The following CLVS1 variants were observed in gnomAD, a reference collection of about 807,000 sequenced individuals.
CLVS1 encodes the protein clavesin-1.
Under a neutral mutation model 33.1 loss-of-function variants are expected in CLVS1, and 10 were observed. That is an observed-to-expected ratio of 0.30 (90% CI 0.19 to 0.51). CLVS1 has a LOEUF of 0.51. CLVS1 is among the 20% of genes least tolerant of loss of function. The pLI, the probability that CLVS1 is intolerant of heterozygous loss-of-function variation, is 0.97. For missense variants in CLVS1, 343 were observed against 433.4 expected (o/e 0.79, Z 1.85); for synonymous variants, 163 against 166.1 (o/e 0.98, Z 0.14).
intron 2 of CLVS1, among the ~76,000 whole-genome samples, chr8:61,232,990 A>G (rs1808478615): frequency 6.6e-6 from 1 of 152,256 alleles, no homozygotes; most frequent in African/African-American, 2.4e-5. Context: ...AAAATTTAGT[A>G]GAGGGTAAAA....
intron 1 of CLVS1, among the ~76,000 whole-genome samples, chr8:61,091,249 G>A (rs557575790): frequency 6.6e-6 from 1 of 152,160 alleles, no homozygotes; most frequent in African/African-American, 2.4e-5. Flanking sequence ...GCCTCTAGAA[G>A]GCGAAAGAGA....
At chr8:61,018,992 C>T in the CLVS1 span, among the ~76,000 whole-genome samples, 1 of 152,224 alleles carries the variant, frequency 6.6e-6, no homozygotes, top group African/African-American at 2.4e-5. Flanking sequence ...TGTCCACAAC[C>T]TGCTTCCCGT....
At chr8:61,155,503 A>G (rs1364876930) in intron 2 of CLVS1, among the ~76,000 whole-genome samples, 3 of 152,160 alleles carry the variant, frequency 2.0e-5, no homozygotes, top group Non-Finnish European at 2.9e-5. Flanking sequence ...TTTAATGGTG[A>G]TTATTCAAAT....
At chr8:60,994,769 G>A in the CLVS1 span, among the ~76,000 whole-genome samples, 1 of 152,178 alleles carries the variant, frequency 6.6e-6, no homozygotes, top group African/African-American at 2.4e-5. Context: ...TTGGTAGCTT[G>A]AGGCTACAGT....
In CLVS1 at chr8:61,362,839, A is replaced by C. The variant is rs78488040; in HGVS notation, c.456-13766A>C. Among the ~76,000 whole-genome samples the C allele has an allele frequency of 9.3e-3, 1,421 of 152,294 alleles. 18 individuals are homozygous for C. The highest frequency in any genetic ancestry group is 0.033 in the African/African-American group (1,367 of 41,560). ...GATACTTCAGCTTGCTGCAGTCAGC[A>C]ATTACTTACAATATTTATATGTTGC... is the stretch of plus-strand genomic sequence containing the variant. On this transcript the variant is annotated intron_variant, in intron 2 of 5. Transcript: ENST00000325897.
At chr8:61,081,214 T>C (rs1263192689) in intron 1 of CLVS1, among the ~76,000 whole-genome samples, 1 of 152,098 alleles carries the variant, frequency 6.6e-6, no homozygotes, top group Non-Finnish European at 1.5e-5. Flanking sequence ...TGGGAAGAGA[T>C]CTGCAGAGAG....
chr8:61,360,392 A>T (rs1812925540), intron 2 of CLVS1, among the ~76,000 whole-genome samples: 1 of 152,220 alleles, frequency 6.6e-6, no homozygotes, highest in Non-Finnish European at 1.5e-5. Context: ...CAGTGATAAA[A>T]ATCTGGTTGA....
At chr8:61,246,490 T>A (rs1214418322) in intron 2 of CLVS1, among the ~76,000 whole-genome samples, 1 of 152,084 alleles carries the variant, frequency 6.6e-6, no homozygotes, top group African/African-American at 2.4e-5. Flanking sequence ...ACTTTTACAT[T>A]ATTGTTATAT....
chr8:61,359,164 C>A (rs1371741), intron 2 of CLVS1, among the ~76,000 whole-genome samples: 73,125 of 151,934 alleles, frequency 0.48, 17,825 homozygotes, highest in East Asian at 0.64. Context: ...TCATCATTCA[C>A]AGAACTAAGT....
intron 5 of CLVS1, among the ~76,000 whole-genome samples, chr8:61,471,316 A>G (rs1337441445): frequency 6.6e-6 from 1 of 152,142 alleles, no homozygotes; most frequent in East Asian, 1.9e-4. Context: ...CATGATGGCT[A>G]TTACCTTTCT....
chr8:61,150,994 A>G (rs550577473), intron 2 of CLVS1, among the ~76,000 whole-genome samples: 13 of 152,346 alleles, frequency 8.5e-5, no homozygotes, highest in African/African-American at 3.1e-4. Context: ...GGGGGCCTGT[A>G]TAAGCCAGAT....
At chr8:61,056,961 A>G (rs559033164), upstream of CLVS1, among the ~76,000 whole-genome samples, 2 of 152,254 alleles carry the variant, frequency 1.3e-5, no homozygotes, top group South Asian at 2.1e-4. Context: ...TGCCTCTGCT[A>G]GTGGAGCTAC....
intron 2 of CLVS1, among the ~76,000 whole-genome samples, chr8:61,162,575 C>T (rs548157965): frequency 7.9e-5 from 12 of 152,340 alleles, no homozygotes; most frequent in Non-Finnish European, 1.5e-4. Flanking sequence ...TCTCTCTTTC[C>T]TATCAAAATT....
the CLVS1 span, among the ~76,000 whole-genome samples, chr8:61,027,625 A>G: frequency 2.6e-5 from 4 of 152,228 alleles, no homozygotes; most frequent in Admixed American, 1.3e-4. Context: ...CAGCACTACA[A>G]TGATTTACCA....
chr8:61,134,799 G>C (rs1806161707), intron 2 of CLVS1, among the ~76,000 whole-genome samples: 1 of 152,114 alleles, frequency 6.6e-6, no homozygotes, highest in Admixed American at 6.5e-5. Flanking sequence ...TTGATGCACA[G>C]CCTTAATTTC....
intron 5 of CLVS1, among the ~76,000 whole-genome samples, chr8:61,477,855 A>T (rs13276130): frequency 0.57 from 85,832 of 151,856 alleles, 27,768 homozygotes; most frequent in Non-Finnish European, 0.72. Flanking sequence ...TGAATGTGTT[A>T]GCTCTTGCTT....
intron 1 of CLVS1, among the ~76,000 whole-genome samples, chr8:61,114,621 T>C (rs1805684862): frequency 6.6e-6 from 1 of 152,240 alleles, no homozygotes; most frequent in South Asian, 2.1e-4. Flanking sequence ...AGCTATCACC[T>C]AGTACATCAT....
At chr8:61,479,103 A>G (rs1206179443) in intron 5 of CLVS1, among the ~76,000 whole-genome samples, 3 of 151,932 alleles carry the variant, frequency 2.0e-5, no homozygotes, top group Non-Finnish European at 1.5e-5. Flanking sequence ...CATTCTCTCT[A>G]TTTCCTGAAT....
intron 2 of CLVS1, among the ~76,000 whole-genome samples, chr8:61,281,276 G>C (rs372849623): frequency 6.6e-6 from 1 of 152,212 alleles, no homozygotes; most frequent in Admixed American, 6.5e-5. Context: ...GGGGTATTAT[G>C]GACTTAATTA....
Sources: gnomAD v4.1 joint callset for allele counts (sites outside exome capture counted in the v4.1 genomes callset) on GRCh38, gnomAD v4.1.1 for gene constraint, MANE v1.5 for transcripts, NCBI Gene and HGNC (gene_info 2026-07-23, HGNC 2026-07-21) for gene names.